DIAPH3: variants seen among roughly 807,000 people sequenced by gnomAD.
The protein encoded by DIAPH3 is protein diaphanous homolog 3.
Under a neutral mutation model 144.3 loss-of-function variants are expected in DIAPH3, and 117 were observed. The observed-to-expected ratio is 0.81, with a 90% confidence interval of 0.70 to 0.95. The LOEUF is 0.95. Ranked by LOEUF, DIAPH3 falls within the 40% of genes least tolerant of loss-of-function variation. The pLI, the probability that DIAPH3 is intolerant of heterozygous loss-of-function variation, is 0.00. For synonymous variants in DIAPH3, 519 were observed against 488.9 expected, an observed-to-expected ratio of 1.06 and a Z score of -0.81; for missense variants, 1,421 against 1,412.7, an observed-to-expected ratio of 1.01 and a Z score of -0.09.
intron 17 of DIAPH3, 103 bp downstream of exon 17, chr13:59,969,841 T>C (rs1353390228): frequency 1.5e-6 from 1 of 663,606 alleles, no homozygotes; most frequent in Non-Finnish European, 2.5e-6. Context: ...AAAAATAACA[T>C]GTACAGGATT....
In DIAPH3 at chr13:60,045,427, CT is replaced by C. The variant is rs559513257; in HGVS notation, c.496-2608del. Among the ~76,000 whole-genome samples, 29 of 152,244 alleles carry C rather than the reference CT, an allele frequency of 1.9e-4. No individual in the cohort carries two copies. The South Asian group carries it at 6.0e-3, about 32-fold the overall frequency. On this transcript the variant is annotated intron_variant, in intron 4 of 27. Transcript: ENST00000400324. Reference sequence around the variant, plus strand: ...CGCGAGAAAAAACTAATACAATACACTTTACTTATTTAAAACATCGTTTGAT... The same window carrying C: ...CGCGAGAAAAAACTAATACAATACACTTACTTATTTAAAACATCGTTTGAT...
intron 24 of DIAPH3, among the ~76,000 whole-genome samples, chr13:59,832,647 T>A (rs2041836752): frequency 6.6e-6 from 1 of 151,730 alleles, no homozygotes; most frequent in Non-Finnish European, 1.5e-5. Flanking sequence ...TAAAGTATCC[T>A]AAAGGAAACC....
chr13:59,822,937 C>T (rs2041156215), intron 24 of DIAPH3, among the ~76,000 whole-genome samples: 2 of 151,830 alleles, frequency 1.3e-5, no homozygotes, highest in Non-Finnish European at 2.9e-5. Flanking sequence ...AGGTTGTCAC[C>T]TTTTTAATTA....
At chr13:59,959,581 G>A (rs889780572) in intron 17 of DIAPH3, among the ~76,000 whole-genome samples, 5 of 152,124 alleles carry the variant, frequency 3.3e-5, no homozygotes, top group Admixed American at 6.5e-5. Flanking sequence ...GAAGCCAGGC[G>A]AGAGAGATCT....
chr13:59,909,350 T>G (rs1018909610), intron 20 of DIAPH3, among the ~76,000 whole-genome samples: 1 of 151,930 alleles, frequency 6.6e-6, no homozygotes, highest in Non-Finnish European at 1.5e-5. Flanking sequence ...TTGTTTTTTT[T>G]TTTTTTGGTT....
intron 27 of DIAPH3, among the ~76,000 whole-genome samples, chr13:59,672,702 A>G (rs1226328755): frequency 6.6e-6 from 1 of 152,226 alleles, no homozygotes; most frequent in Non-Finnish European, 1.5e-5. Context: ...TACTGATGCT[A>G]TTAATAATTG....
intron 2 of DIAPH3, among the ~76,000 whole-genome samples, chr13:60,124,325 G>A (rs1265495929): frequency 6.6e-6 from 1 of 152,152 alleles, no homozygotes; most frequent in Non-Finnish European, 1.5e-5. Context: ...TCTGGGCGCA[G>A]GCAGCAGTTG....
At position 59,852,344 on chromosome 13, in the gene DIAPH3, C is replaced by T. The variant is rs934336075; in HGVS notation, c.2737+9063G>A. On this transcript the variant is annotated intron_variant, in intron 22 of 27. Transcript: ENST00000400324. ...TTATATCATTTCTCATAAAGTAGTT[C>T]ATATTTCCATATGGCATTCCTTCAT... Among the ~76,000 whole-genome samples, 7 of 152,278 alleles carry T rather than the reference C, an allele frequency of 4.6e-5. No individual in the cohort carries two copies. In the East Asian group the frequency reaches 1.4e-3, roughly 29 times the overall value.
chr13:59,881,382 T>C (rs2045034275), intron 20 of DIAPH3, among the ~76,000 whole-genome samples: 2 of 152,232 alleles, frequency 1.3e-5, no homozygotes, highest in East Asian at 3.9e-4. Flanking sequence ...TTTCAGTAAG[T>C]GCCATTATTC....
chr13:59,993,702 T>TAACAAAAAAA (rs2051986905), intron 9 of DIAPH3, among the ~76,000 whole-genome samples: 1 of 73,896 alleles, frequency 1.4e-5, no homozygotes, highest in African/African-American at 6.1e-5. Context: ...GAAACATACT[T>TAACAAAAAAA]AAAAAAAAAA....
At chr13:59,945,112 A>G (rs945073166) in intron 17 of DIAPH3, among the ~76,000 whole-genome samples, 3 of 151,936 alleles carry the variant, frequency 2.0e-5, no homozygotes, top group Non-Finnish European at 4.4e-5. Context: ...AACAACTCAA[A>G]TGTTTCTTTG....
At chr13:59,991,340 A>C in intron 11 of DIAPH3, 66 bp from the exon 12 acceptor site, 1 of 1,144,600 alleles carries the variant, frequency 8.7e-7, no homozygotes, top group Non-Finnish European at 1.3e-6. Context: ...ATAATATGAC[A>C]GAATTTGTCC....
chr13:59,781,231 G>C (rs1393756451), intron 25 of DIAPH3, among the ~76,000 whole-genome samples: 1 of 152,212 alleles, frequency 6.6e-6, no homozygotes, highest in Non-Finnish European at 1.5e-5. Flanking sequence ...GGATTTCTCA[G>C]TGGCAACACT....
At chr13:59,994,141 T>C (rs1044087820) in intron 9 of DIAPH3, among the ~76,000 whole-genome samples, 2 of 151,892 alleles carry the variant, frequency 1.3e-5, no homozygotes, top group South Asian at 4.1e-4. Context: ...AGAAAAAAAA[T>C]AGGAAATTAA....
At chr13:59,853,470 G>T (rs892058467) in intron 22 of DIAPH3, among the ~76,000 whole-genome samples, 8 of 152,028 alleles carry the variant, frequency 5.3e-5, no homozygotes, top group African/African-American at 1.9e-4. Context: ...GTTTTCACGA[G>T]ATCTGGTTGT....
intron 25 of DIAPH3, among the ~76,000 whole-genome samples, chr13:59,788,275 A>C (rs1223860513): frequency 6.6e-6 from 1 of 152,148 alleles, no homozygotes; most frequent in Non-Finnish European, 1.5e-5. Flanking sequence ...TTGCTGAAAA[A>C]TATAAAACTA....
At chr13:59,828,106 G>A (rs1319969435) in intron 24 of DIAPH3, among the ~76,000 whole-genome samples, 2 of 151,942 alleles carry the variant, frequency 1.3e-5, no homozygotes, top group East Asian at 1.9e-4. Context: ...ATACGCCACC[G>A]ATTTACTCAG....
chr13:59,928,667 C>T (rs1307935348), intron 17 of DIAPH3, among the ~76,000 whole-genome samples: 1 of 152,124 alleles, frequency 6.6e-6, no homozygotes, highest in African/African-American at 2.4e-5. Flanking sequence ...CTGAGATTTC[C>T]TCAGTGGCTT....
chr13:59,928,236 C>CT (rs1183963318), intron 17 of DIAPH3, among the ~76,000 whole-genome samples: 2 of 151,960 alleles, frequency 1.3e-5, no homozygotes, highest in African/African-American at 4.8e-5. Context: ...CTATTTGGCT[C>CT]TTTTTTTATA....
Sources: gnomAD v4.1 joint callset for allele counts (sites outside exome capture counted in the v4.1 genomes callset) on GRCh38, gnomAD v4.1.1 for gene constraint, MANE v1.5 for transcripts, NCBI Gene and HGNC (gene_info 2026-07-23, HGNC 2026-07-21) for gene names.